Variants in EXT1 observed in about 807,000 individuals in gnomAD.
The protein encoded by EXT1 is exostosin-1.
Under a neutral mutation model 82.5 loss-of-function variants are expected in EXT1, and 20 were observed. The ratio of observed to expected loss-of-function variants is 0.24; its 90% confidence interval spans 0.17 to 0.35. EXT1 has a LOEUF of 0.35. Among genes scored for constraint, EXT1 ranks in the 10% least tolerant of loss-of-function variants. EXT1 has a pLI of 1.00. For missense variants in EXT1, 757 were observed against 936.5 expected (o/e 0.81, Z 2.50); for synonymous variants, 348 against 350.8 (o/e 0.99, Z 0.09).
intron 4 of EXT1, among the ~76,000 whole-genome samples, chr8:117,826,150 T>G (rs935582845): frequency 6.6e-6 from 1 of 152,186 alleles, no homozygotes; most frequent in Non-Finnish European, 1.5e-5. Context: ...GATGCAGCAT[T>G]AGAGAATTTC....
intron 1 of EXT1, among the ~76,000 whole-genome samples, chr8:118,001,790 G>T (rs1815672199): frequency 6.6e-6 from 1 of 152,102 alleles, no homozygotes; most frequent in Non-Finnish European, 1.5e-5. Flanking sequence ...TGGAATTAAT[G>T]AGGGTTACAA....
intron 1 of EXT1, among the ~76,000 whole-genome samples, chr8:117,909,928 C>T (rs1481184824): frequency 6.6e-6 from 1 of 152,102 alleles, no homozygotes; most frequent in Non-Finnish European, 1.5e-5. Context: ...CTGCCATGCC[C>T]AGCTAATTTT....
intron 1 of EXT1, among the ~76,000 whole-genome samples, chr8:118,002,381 C>CAA (rs772109456): frequency 0.29 from 17,347 of 60,832 alleles, 1,879 homozygotes; most frequent in South Asian, 0.36. Flanking sequence ...ACTCCGTCTC[C>CAA]AAAAAAAAAA....
intron 1 of EXT1, among the ~76,000 whole-genome samples, chr8:117,902,584 T>C (rs1300588128): frequency 1.3e-5 from 2 of 151,998 alleles, no homozygotes; most frequent in Non-Finnish European, 2.9e-5. Flanking sequence ...TGCATTGTTA[T>C]AATTAGCTCA....
intron 1 of EXT1, among the ~76,000 whole-genome samples, chr8:117,877,738 C>T (rs1485481605): frequency 6.6e-6 from 1 of 152,068 alleles, no homozygotes; most frequent in African/African-American, 2.4e-5. Context: ...GCTGTGAGTA[C>T]AATATGGTGG....
chr8:118,094,968 T>C (rs1473354943), intron 1 of EXT1, among the ~76,000 whole-genome samples: 1 of 152,070 alleles, frequency 6.6e-6, no homozygotes, highest in Non-Finnish European at 1.5e-5. Context: ...ATATTTGGAG[T>C]CAGTTGAACA....
chr8:117,863,524 G>C (rs1812722748), intron 1 of EXT1, among the ~76,000 whole-genome samples: 2 of 151,050 alleles, frequency 1.3e-5, no homozygotes, highest in South Asian at 4.2e-4. Flanking sequence ...ATCTGGCACA[G>C]AGTACACGCC....
intron 1 of EXT1, among the ~76,000 whole-genome samples, chr8:117,932,715 C>T (rs1407322512): frequency 1.3e-5 from 2 of 152,152 alleles, no homozygotes; most frequent in Non-Finnish European, 1.5e-5. Flanking sequence ...GTTAAGAAAT[C>T]CATGGCTTTG....
At chr8:117,838,449 A>C (rs1812221737) in intron 1 of EXT1, among the ~76,000 whole-genome samples, 2 of 152,192 alleles carry the variant, frequency 1.3e-5, no homozygotes, top group South Asian at 2.1e-4. Context: ...TTAAGAAGAG[A>C]CATCATGCAA....
intron 1 of EXT1, among the ~76,000 whole-genome samples, chr8:117,989,425 C>T (rs112452092): frequency 3.3e-5 from 5 of 152,258 alleles, no homozygotes; most frequent in Admixed American, 1.3e-4. Flanking sequence ...CTCAATTACA[C>T]GCTCCTTGAG....
chr8:117,854,490 A>C (rs896625986), intron 1 of EXT1, among the ~76,000 whole-genome samples: 2 of 152,170 alleles, frequency 1.3e-5, no homozygotes, highest in Admixed American at 6.5e-5. Context: ...TATATATTTA[A>C]AGACCACCAA....
At chr8:117,827,144 G>T (rs990594298) in intron 4 of EXT1, among the ~76,000 whole-genome samples, 1 of 152,120 alleles carries the variant, frequency 6.6e-6, no homozygotes, top group African/African-American at 2.4e-5. Flanking sequence ...ATTCTAGGTG[G>T]ATATAATGTT....
rs35181438 is a variant in EXT1, at chr8:117,999,982, G to GTA, written c.962+110101_962+110102dup. 5.3e-5 allele frequency among the ~76,000 whole-genome samples: 8 copies of GTA among 151,668 alleles called. No homozygotes were observed. In the South Asian group the frequency reaches 6.3e-4, roughly 12 times the overall value. ...CGTGTATATATATATATGTGTGTGT[G>GTA]TATATATATATCTGTACTTTATACA... On this transcript the variant is annotated intron_variant, in intron 1 of 10. Transcript: ENST00000378204.
intron 1 of EXT1, among the ~76,000 whole-genome samples, chr8:118,008,195 T>C (rs1815818920): frequency 6.6e-6 from 1 of 152,158 alleles, no homozygotes; most frequent in Non-Finnish European, 1.5e-5. Context: ...CTGTGTTAGT[T>C]TGCTGAAGAT....
At chr8:118,079,256 A>G (rs1817266231) in intron 1 of EXT1, among the ~76,000 whole-genome samples, 1 of 152,228 alleles carries the variant, frequency 6.6e-6, no homozygotes, top group Non-Finnish European at 1.5e-5. Flanking sequence ...ATAATCAACT[A>G]TAGTTCAAAC....
rs757115396 is a variant in EXT1 at position 117,812,935 on chromosome 8, G to A, written c.1659C>T (p.Tyr553=). The part of the protein sequence containing the change: ...SKVMSSRFLP[Y]DNIITDAVLS... The stretch of plus-strand genomic sequence containing the variant: ...GCACGGCGTCTGTGATGATGTTGTC[G>A]TAGGGCAGAAAACGGCTGCTCATAA... Residue 553 remains tyrosine, a synonymous_variant, in exon 8 of 11, where the codon TAC becomes TAT. Transcript: ENST00000378204. 117 of 1,613,774 alleles carry A rather than the reference G, an allele frequency of 7.3e-5. No individual in the cohort carries two copies. Among genetic ancestry groups the A allele is most frequent in the Non-Finnish European group, 9.0e-5 (106 of 1,179,968 alleles).
intron 4 of EXT1, among the ~76,000 whole-genome samples, chr8:117,825,184 G>GT: frequency 6.6e-6 from 1 of 152,280 alleles, no homozygotes; most frequent in East Asian, 1.9e-4. Flanking sequence ...AATTGATTCT[G>GT]TAGGACCTTG....
intron 1 of EXT1, among the ~76,000 whole-genome samples, chr8:117,994,334 G>A (rs1368395918): frequency 6.6e-6 from 1 of 152,112 alleles, no homozygotes; most frequent in African/African-American, 2.4e-5. Flanking sequence ...TGGATCAGCT[G>A]GGCACAGTTG....
chr8:117,802,368 C>T (rs1224603059), intron 10 of EXT1, among the ~76,000 whole-genome samples: 1 of 152,138 alleles, frequency 6.6e-6, no homozygotes, highest in Admixed American at 6.5e-5. Context: ...CAGTCATGCA[C>T]CACATAATGA....
Sources: gnomAD v4.1 joint callset for allele counts (sites outside exome capture counted in the v4.1 genomes callset) on GRCh38, gnomAD v4.1.1 for gene constraint, MANE v1.5 for transcripts, NCBI Gene and HGNC (gene_info 2026-07-23, HGNC 2026-07-21) for gene names.